The following STAB2 variants were observed in gnomAD, a reference collection of about 807,000 sequenced individuals.
The protein encoded by STAB2 is stabilin-2.
A neutral mutation model predicts 338.1 loss-of-function variants in STAB2; 288 were observed. The observed-to-expected ratio is 0.85, with a 90% CI of 0.77 to 0.94. The LOEUF (loss-of-function observed/expected upper bound fraction) is 0.94. Among genes scored for constraint, STAB2 ranks in the 40% least tolerant of loss-of-function variants. STAB2 has a pLI of 0.00. For synonymous variants in STAB2, 1,202 were observed against 1,193.3 expected (o/e 1.01, Z -0.15); for missense variants, 3,141 against 3,210.1 (o/e 0.98, Z 0.52).
intron 10 of STAB2, among the ~76,000 whole-genome samples, chr12:103,649,764 C>T (rs1873599664): frequency 1.3e-5 from 2 of 152,178 alleles, no homozygotes; most frequent in South Asian, 4.1e-4. Flanking sequence ...GGCTCAGGGG[C>T]AATCTACCAG....
chr12:103,706,821 C>T lies in STAB2; in HGVS notation c.4026C>T (p.Gly1342=). 1 of 1,614,224 alleles carries T rather than the reference C, an allele frequency of 6.2e-7. No individual in the cohort carries two copies. Among genetic ancestry groups the T allele is most frequent in the Non-Finnish European group, 8.5e-7 (1 of 1,180,044 alleles). ...ITRECCAGFF[G]PQCQPCPGNA... The stretch of plus-strand genomic sequence containing the variant: ...GAGAATGCTGTGCCGGCTTCTTTGG[C>T]CCCCAATGCCAGCCCTGCCCAGGGA... The change falls in exon 38 of 69, where the codon GGC becomes GGT. Residue 1342 remains glycine, a synonymous_variant. Transcript: ENST00000388887.
chr12:103,648,351 G>A (rs1261574137), intron 9 of STAB2, among the ~76,000 whole-genome samples: 1 of 152,088 alleles, frequency 6.6e-6, no homozygotes, highest in Non-Finnish European at 1.5e-5. Context: ...GTCATGCAGT[G>A]GAGCCCTAGG....
intron 36 of STAB2, 167 bp downstream of exon 36, chr12:103,704,781 T>C (rs1386658114): frequency 7.8e-6 from 5 of 640,664 alleles, no homozygotes. Flanking sequence ...CTTACATCTA[T>C]TTTTTTGGAC....
rs558075620 is a variant in STAB2, at chr12:103,699,213, C to T, written c.3700C>T (p.Leu1234Phe). The change falls in exon 34 of 69, where the codon CTC becomes TTC. Residue 1234 changes from leucine (L) to phenylalanine (F), a missense_variant. By Grantham distance (22) the Leu-to-Phe change is conservative. Coordinates refer to ENST00000388887, the MANE Select transcript of STAB2 (RefSeq NM_017564.10). ...LGFSYFLSFF[L>F]HNDQLYVNEA... ...TTTCTCCTATTTCCTTAGCTTCTTT[C>T]TCCATAATGACCAGGTACGATCCTT... 9.9e-6 allele frequency: 16 copies of T among 1,612,810 alleles called. No homozygotes were observed. Among genetic ancestry groups the T allele is most frequent in the African/African-American group, 1.3e-5 (1 of 74,980 alleles).
intron 28 of STAB2, 63 bp downstream of exon 28, chr12:103,688,278 A>T (rs369203936): frequency 2.0e-6 from 3 of 1,521,816 alleles, no homozygotes; most frequent in African/African-American, 2.7e-5. Context: ...TGGAATGCAT[A>T]CAATAGAAAA....
chr12:103,758,074 T>C, intron 63 of STAB2, 96 bp from the exon 64 acceptor site: 1 of 1,556,880 alleles, frequency 6.4e-7, no homozygotes, highest in Non-Finnish European at 8.7e-7. Flanking sequence ...ACACCATGAA[T>C]ATTCACAGAT....
At position 103,674,106 on chromosome 12, in the gene STAB2, G is replaced by A. The variant is rs1346319608; in HGVS notation, c.2552+19G>A. 2.5e-6 allele frequency: 4 copies of A among 1,599,592 alleles called. No individual in the cohort carries two copies. The Admixed American group carries it at 6.7e-5, about 27-fold the overall frequency. ...CAGCCAGGTAGGTCTGTGAGGGAAT[G>A]GCCCTTAATGACGCTGAGTCATTAA... On this transcript the variant is annotated intron_variant, in intron 23 of 68. Coordinates refer to ENST00000388887, the MANE Select transcript of STAB2 (RefSeq NM_017564.10).
In STAB2 at chr12:103,652,567, T is replaced by C; in HGVS notation, c.1269T>C (p.Leu423=). 1 of 1,584,612 alleles carries C rather than the reference T, an allele frequency of 6.3e-7. No homozygotes were observed. The highest frequency in any genetic ancestry group is 8.6e-7 in the Non-Finnish European group (1 of 1,169,424). Reference sequence around the variant, plus strand: ...CTCTTCTCTCTTAGGTAAATGAGCTTTTGGTGGATAATAAAGCTGCTCAAT... The same window carrying C: ...CTCTTCTCTCTTAGGTAAATGAGCTCTTGGTGGATAATAAAGCTGCTCAAT... ...KGLKGFNVNE[L]LVDNKAAQYF... The change falls in exon 12 of 69, where the codon CTT becomes CTC. Residue 423 remains leucine (L), a synonymous_variant. Transcript: ENST00000388887.
At chr12:103,671,658 C>G (rs1875805506) in intron 22 of STAB2, among the ~76,000 whole-genome samples, 1 of 152,142 alleles carries the variant, frequency 6.6e-6, no homozygotes. Context: ...AGAACCATGC[C>G]TAGTACAAAA....
At chr12:103,688,141 T>C (rs763122664) in intron 27 of STAB2, 27 bp from the exon 28 acceptor site, 1 of 1,608,972 alleles carries the variant, frequency 6.2e-7, no homozygotes, top group African/African-American at 1.3e-5. Flanking sequence ...CCATCTCTTC[T>C]TCCCTCCCTT....
intron 5 of STAB2, 98 bp from the exon 6 acceptor site, chr12:103,631,500 C>A (rs1267836827): frequency 3.4e-6 from 4 of 1,168,508 alleles, no homozygotes; most frequent in African/African-American, 1.5e-5. Flanking sequence ...AAACAACATG[C>A]AGAGTCTCAG....
intron 40 of STAB2, among the ~76,000 whole-genome samples, 160 bp from the exon 41 acceptor site, chr12:103,712,207 G>A (rs1336898786): frequency 1.3e-5 from 2 of 152,164 alleles, no homozygotes; most frequent in Admixed American, 6.5e-5. Context: ...TTGTGGTGGG[G>A]TTATGCCAGA....
In STAB2 at chr12:103,637,128, G is replaced by A. The variant is rs774467732; in HGVS notation, c.601G>A (p.Ala201Thr). The change falls in exon 7 of 69, where the codon GCC becomes ACC. Residue 201 changes from alanine (A) to threonine (T), a missense_variant. By Grantham distance (58) the Ala-to-Thr change is moderately conservative (BLOSUM62 0). Transcript: ENST00000388887. ...KCDKPIPECA[A>T]LLCPENSRCS... ...CTATGCAGCCATCCCTGAATGTGCA[G>A]CCTTGCTCTGCCCAGAAAATTCCAG... The A allele has an allele frequency of 1.9e-6, 3 of 1,612,162 alleles. No individual in the cohort carries two copies. In the South Asian group the frequency reaches 3.3e-5, roughly 18 times the overall value.
chr12:103,678,898 C>A (rs965950234), intron 25 of STAB2, among the ~76,000 whole-genome samples: 2 of 152,138 alleles, frequency 1.3e-5, no homozygotes, highest in African/African-American at 4.8e-5. Flanking sequence ...AGGCATCATT[C>A]CCACTCACTC....
At chr12:103,749,298 C>A in intron 59 of STAB2, 142 bp downstream of exon 59, 3 of 1,000,228 alleles carry the variant, frequency 3.0e-6, no homozygotes, top group Non-Finnish European at 2.8e-6. Context: ...TGTTAAAAGT[C>A]ATTGGGCTAA....
At chr12:103,735,349 C>A (rs2139096509) in intron 51 of STAB2, 142 bp from the exon 52 acceptor site, 1 of 550,952 alleles carries the variant, frequency 1.8e-6, no homozygotes, top group Non-Finnish European at 3.2e-6. Context: ...ATTGGTTATA[C>A]CTACGGTCAT....
In STAB2 at chr12:103,692,803, C is replaced by T; in HGVS notation, c.3298-9C>T. 1 of 1,611,780 alleles carries T rather than the reference C, an allele frequency of 6.2e-7. No homozygotes were observed. Among genetic ancestry groups the T allele is most frequent in the Non-Finnish European group, 8.5e-7 (1 of 1,178,318 alleles). ...AGACTCATCTTCCCACTGTGGTTTG[C>T]ATTTACAGAATATCACAATTGAAGG... is the stretch of plus-strand genomic sequence containing the variant. On this transcript the variant is annotated splice_polypyrimidine_tract_variant and intron_variant, in intron 30 of 68. Coordinates refer to ENST00000388887, the MANE Select transcript of STAB2 (RefSeq NM_017564.10).
chr12:103,704,414 A>T, intron 35 of STAB2, 144 bp from the exon 36 acceptor site: 1 of 656,410 alleles, frequency 1.5e-6, no homozygotes, highest in Middle Eastern at 3.5e-4. Context: ...GAGGAGTTGA[A>T]GTGTTTGTCT....
chr12:103,643,818 C>G (rs990977473), intron 9 of STAB2, among the ~76,000 whole-genome samples: 1 of 151,084 alleles, frequency 6.6e-6, no homozygotes, highest in Non-Finnish European at 1.5e-5. Flanking sequence ...CCGCCCCGAC[C>G]GGGAGGGAGG....
Sources: allele counts gnomAD v4.1 joint callset (sites outside exome capture counted in the v4.1 genomes callset), GRCh38; gene constraint gnomAD v4.1.1; transcripts MANE v1.5; gene names NCBI Gene and HGNC (gene_info 2026-07-23, HGNC 2026-07-21).